Variants in STK3 observed in about 807,000 individuals in gnomAD.
The protein encoded by STK3 is serine/threonine kinase 3.
Under a neutral mutation model 58.0 loss-of-function variants are expected in STK3, and 41 were observed. The observed-to-expected ratio is 0.71, with a 90% CI of 0.55 to 0.92. The LOEUF is 0.92. Ranked by LOEUF, STK3 falls within the 40% of genes least tolerant of loss-of-function variation. The pLI, the probability that STK3 is intolerant of heterozygous loss-of-function variation, is 0.00. For missense variants in STK3, 479 were observed against 602.7 expected (o/e 0.79, Z 2.15); for synonymous variants, 170 against 191.0 (o/e 0.89, Z 0.91).
At chr8:98,710,866 T>G (rs1037601032) in intron 4 of STK3, among the ~76,000 whole-genome samples, 2 of 150,122 alleles carry the variant, frequency 1.3e-5, no homozygotes, top group African/African-American at 2.4e-5. Flanking sequence ...GACCCCCAAG[T>G]AGCCTAACTG....
intron 8 of STK3, among the ~76,000 whole-genome samples, chr8:98,577,689 G>A (rs1813524071): frequency 6.6e-6 from 1 of 152,036 alleles, no homozygotes; most frequent in Non-Finnish European, 1.5e-5. Flanking sequence ...CAGCTCTGAT[G>A]AACACTTAGA....
chr8:98,915,701 A>G lies in STK3; in HGVS notation c.-79+26677T>C, dbSNP rs185195389. Among the ~76,000 whole-genome samples, 304 of 151,992 alleles carry G rather than the reference A, an allele frequency of 2.0e-3. 1 individual carries two copies. Among genetic ancestry groups the G allele is most frequent in the Middle Eastern group, 0.01 (3 of 294 alleles). ...TGTGATTTTTAAAATGGAGTCTTAT[A>G]AAAATTTTCTCCAGATAAGACGTGT... On this transcript the variant is annotated intron_variant, in intron 1 of 1. Coordinates refer to the STK3 transcript ENST00000519420.
At chr8:98,424,608 T>C (rs1818207931) in intron 3 of STK3, among the ~76,000 whole-genome samples, 1 of 151,848 alleles carries the variant, frequency 6.6e-6, no homozygotes, top group Non-Finnish European at 1.5e-5. Flanking sequence ...GAGGGCTCTC[T>C]CTCCATGGGT....
intron 6 of STK3, chr8:98,597,180 A>G: frequency 4.6e-6 from 3 of 659,110 alleles, no homozygotes; most frequent in Non-Finnish European, 5.6e-6. Flanking sequence ...ATAATTGCCT[A>G]TATCATTCTT....
At chr8:98,493,760 T>C (rs899614784) in intron 10 of STK3, among the ~76,000 whole-genome samples, 24 of 152,220 alleles carry the variant, frequency 1.6e-4, no homozygotes, top group African/African-American at 5.3e-4. Context: ...CATCTCTTTC[T>C]GAATGTCTGA....
chr8:98,686,805 C>T (rs1443966620), intron 6 of STK3, among the ~76,000 whole-genome samples: 1 of 152,082 alleles, frequency 6.6e-6, no homozygotes, highest in African/African-American at 2.4e-5. Flanking sequence ...GCCTTAACAA[C>T]AGACTAAACC....
intron 6 of STK3, among the ~76,000 whole-genome samples, chr8:98,611,261 G>C (rs2130204591): frequency 6.6e-6 from 1 of 151,800 alleles, no homozygotes; most frequent in South Asian, 2.1e-4. Flanking sequence ...ATGTAAATTA[G>C]GATTAAGAAA....
intron 4 of STK3, among the ~76,000 whole-genome samples, chr8:98,710,283 G>A (rs181767782): frequency 1.1e-3 from 172 of 152,226 alleles, no homozygotes; most frequent in Middle Eastern, 3.4e-3. Context: ...GGGGAGTATC[G>A]GAAAGTGGGT....
rs2131069189 is a variant in STK3 at position 98,706,621 on chromosome 8, T to C, written c.530A>G (p.Lys177Arg). The C allele has an allele frequency of 2.5e-6, 4 of 1,596,980 alleles. No homozygotes were observed. Among genetic ancestry groups the C allele is most frequent in the Non-Finnish European group, 3.4e-6 (4 of 1,173,188 alleles). The change falls in exon 6 of 11, where the codon AAA (lysine) becomes AGA (arginine). Residue 177 changes from lysine to arginine, a missense_variant. Coordinates refer to ENST00000419617, the MANE Select transcript of STK3 (RefSeq NM_006281.4). ...VAGQLTDTMA[K>R]RNTVIGTPFW... ...TGGAGTTCCTATTACAGTATTGCGT[T>C]TTGCCATTGTATCCTGCAATAATGT...
At position 98,455,632 on chromosome 8, in the gene STK3, T is replaced by G; in HGVS notation, c.*210A>C. 3 of 584,086 alleles carry G rather than the reference T, an allele frequency of 5.1e-6. No homozygotes were observed. The highest frequency in any genetic ancestry group is 9.0e-6 in the Non-Finnish European group (3 of 332,988). 36.2% of individuals were successfully genotyped at this position (584,086 alleles called of 1,614,324 possible). A position where few individuals can be genotyped will look rare whatever the true frequency, so the allele number is the denominator to read the frequency against. On this transcript the variant is annotated 3_prime_UTR_variant, in exon 11 of 11. Coordinates refer to ENST00000419617, the MANE Select transcript of STK3 (RefSeq NM_006281.4). ...CTGACAGAACAAGAGAATACACTTC[T>G]TTTGTTCTCCTCATCTTAGAGTGAA...
At chr8:98,928,857 G>T (rs921187150) in intron 1 of STK3, among the ~76,000 whole-genome samples, 1 of 152,224 alleles carries the variant, frequency 6.6e-6, no homozygotes, top group African/African-American at 2.4e-5. Context: ...CTGATAACAG[G>T]TTTAGAATGA....
intron 10 of STK3, among the ~76,000 whole-genome samples, chr8:98,515,275 T>C (rs1021929995): frequency 4.6e-5 from 7 of 152,106 alleles, no homozygotes; most frequent in African/African-American, 1.7e-4. Context: ...CGGCTAAACC[T>C]AGAAGCCTCA....
At chr8:98,793,246 G>C (rs562308928) in intron 1 of STK3, among the ~76,000 whole-genome samples, 2 of 151,916 alleles carry the variant, frequency 1.3e-5, no homozygotes, top group East Asian at 3.9e-4. Context: ...TCAGGTGATG[G>C]GTGCAACAAA....
intron 4 of STK3, among the ~76,000 whole-genome samples, chr8:98,742,890 T>A (rs1829331854): frequency 6.6e-6 from 1 of 151,910 alleles, no homozygotes; most frequent in Non-Finnish European, 1.5e-5. Context: ...AGTCTCAGGA[T>A]ACAAAATCAA....
intron 6 of STK3, among the ~76,000 whole-genome samples, chr8:98,620,224 C>T (rs986112016): frequency 5.1e-5 from 5 of 98,362 alleles, no homozygotes; most frequent in Non-Finnish European, 1.0e-4. Flanking sequence ...GAACAAAAAA[C>T]CAAACACCGC....
chr8:98,870,528 T>C (rs1420373815), intron 3 of STK3, among the ~76,000 whole-genome samples: 1 of 152,198 alleles, frequency 6.6e-6, no homozygotes, highest in African/African-American at 2.4e-5. Flanking sequence ...TTTCAATGAT[T>C]GCCATTCTAA....
rs143467922 is a variant in STK3, at chr8:98,899,752, A to G, written c.-78-15918T>C. Among the ~76,000 whole-genome samples, 348 of 152,252 alleles carry G rather than the reference A, an allele frequency of 2.3e-3. 2 individuals are homozygous for G. The highest frequency in any genetic ancestry group is 7.9e-3 in the African/African-American group (328 of 41,548). On this transcript the variant is annotated intron_variant, in intron 1 of 1. Transcript: ENST00000519420. Reference sequence around the variant, plus strand: ...TTTACAAGAACCCTGGGAGGTAAAAATTATTGGGTCTCTGAGATAGTAACC... The same window carrying G: ...TTTACAAGAACCCTGGGAGGTAAAAGTTATTGGGTCTCTGAGATAGTAACC...
intron 10 of STK3, among the ~76,000 whole-genome samples, chr8:98,505,467 A>T (rs2131379879): frequency 6.6e-6 from 1 of 152,142 alleles, no homozygotes; most frequent in Non-Finnish European, 1.5e-5. Context: ...TGGGGAGAAG[A>T]GGTGCTCTTG....
At chr8:98,851,577 C>T (rs1027548301) in intron 3 of STK3, among the ~76,000 whole-genome samples, 5 of 151,874 alleles carry the variant, frequency 3.3e-5, no homozygotes, top group Admixed American at 1.3e-4. Context: ...ACGGAAAAAT[C>T]CATTTTTAGA....
Sources: allele counts gnomAD v4.1 joint callset (sites outside exome capture counted in the v4.1 genomes callset), GRCh38; gene constraint gnomAD v4.1.1; transcripts MANE v1.5; gene names NCBI Gene and HGNC (gene_info 2026-07-23, HGNC 2026-07-21).